The following BBS9 variants were observed in gnomAD, a reference collection of about 807,000 sequenced individuals.
BBS9 encodes protein PTHB1.
In BBS9, 89 loss-of-function variants were observed where a neutral mutation model predicts 117.7. The ratio of observed to expected loss-of-function variants is 0.76; its 90% confidence interval spans 0.64 to 0.90. The LOEUF (loss-of-function observed/expected upper bound fraction) is 0.90. BBS9 is among the 40% of genes least tolerant of loss of function. BBS9 has a pLI of 0.00. For synonymous variants in BBS9, 379 were observed against 370.9 expected (o/e 1.02, Z -0.25); for missense variants, 982 against 1,042.2 (o/e 0.94, Z 0.80).
intron 17 of BBS9, among the ~76,000 whole-genome samples, chr7:33,379,270 C>A (rs1824496681): frequency 6.6e-6 from 1 of 152,146 alleles, no homozygotes; most frequent in Non-Finnish European, 1.5e-5. Context: ...TGTCTTTTTA[C>A]TTCTGGGGCC....
chr7:33,336,289 T>C, intron 9 of BBS9, 152 bp from the exon 10 acceptor site: 1 of 637,670 alleles, frequency 1.6e-6, no homozygotes, highest in Non-Finnish European at 2.7e-6. Flanking sequence ...TTTGAAACAT[T>C]TGAATTGAGT....
intron 9 of BBS9, among the ~76,000 whole-genome samples, chr7:33,305,562 T>C (rs1378415549): frequency 6.6e-6 from 1 of 152,186 alleles, no homozygotes; most frequent in Non-Finnish European, 1.5e-5. Flanking sequence ...TAGAAAACTT[T>C]TTATTACAGC....
intron 9 of BBS9, among the ~76,000 whole-genome samples, chr7:33,331,887 C>G (rs1349798045): frequency 2.0e-5 from 3 of 152,092 alleles, no homozygotes; most frequent in African/African-American, 7.2e-5. Flanking sequence ...CCAAAGCAAT[C>G]TATAGATTCA....
At chr7:33,586,250 A>C (rs2893471) in intron 21 of BBS9, among the ~76,000 whole-genome samples, 62,062 of 151,866 alleles carry the variant, frequency 0.41, 17,653 homozygotes, top group African/African-American at 0.81. Context: ...AGATACTTCT[A>C]AAAAGAAGAC....
At chr7:33,137,129 G>A (rs754479319) in intron 1 of BBS9, among the ~76,000 whole-genome samples, 13 of 152,098 alleles carry the variant, frequency 8.5e-5, no homozygotes, top group Non-Finnish European at 1.5e-4. Flanking sequence ...TCGGTGCCCA[G>A]AGTCCGGAGG....
chr7:33,405,127 G>A (rs1009266185), intron 19 of BBS9, among the ~76,000 whole-genome samples: 19 of 152,176 alleles, frequency 1.2e-4, no homozygotes, highest in Admixed American at 1.0e-3. Context: ...CTTTGGTTCT[G>A]TTTGTATGCT....
intron 9 of BBS9, among the ~76,000 whole-genome samples, chr7:33,311,943 A>G (rs1207217600): frequency 1.3e-5 from 2 of 152,208 alleles, no homozygotes; most frequent in Non-Finnish European, 2.9e-5. Flanking sequence ...GCTTTCCCCC[A>G]TATGGCATAT....
intron 21 of BBS9, among the ~76,000 whole-genome samples, chr7:33,626,141 G>T (rs1019395326): frequency 6.6e-6 from 1 of 152,260 alleles, no homozygotes; most frequent in East Asian, 1.9e-4. Context: ...GTTCTCACAA[G>T]ATCTGGTTGT....
chr7:33,149,810 G>A (rs939390781), intron 2 of BBS9, among the ~76,000 whole-genome samples: 8 of 152,152 alleles, frequency 5.3e-5, no homozygotes, highest in African/African-American at 9.7e-5. Flanking sequence ...TTTAATAGTC[G>A]TACATATACA....
At chr7:33,534,734 G>T (rs551108034) in intron 21 of BBS9, among the ~76,000 whole-genome samples, 5 of 152,128 alleles carry the variant, frequency 3.3e-5, no homozygotes, top group African/African-American at 1.2e-4. Context: ...AGTGATGGTC[G>T]TGGGCACCCA....
intron 5 of BBS9, among the ~76,000 whole-genome samples, chr7:33,252,486 A>G (rs1232251508): frequency 6.6e-6 from 1 of 152,086 alleles, no homozygotes; most frequent in Admixed American, 6.6e-5. Flanking sequence ...GGGCTCTGTG[A>G]CCAGAGTTTC....
rs151209209 is a variant in BBS9, at chr7:33,605,904, T to A, written c.*678T>A. The A allele has an allele frequency of 6.6e-6, 1 of 152,352 alleles. No homozygotes were observed. The highest frequency in any genetic ancestry group is 2.4e-5 in the African/African-American group (1 of 41,444). 9.4% of individuals were successfully genotyped at this position (152,352 alleles called of 1,614,324 possible). ...TAACATCCCCTTTTCATTACCCCATTGGGTGGCACCTTTTAAAAATCCAGG... is the reference window on the plus strand; with the variant it reads ...TAACATCCCCTTTTCATTACCCCATAGGGTGGCACCTTTTAAAAATCCAGG... On this transcript the variant is annotated 3_prime_UTR_variant, in exon 23 of 23. Coordinates refer to ENST00000242067, the MANE Select transcript of BBS9 (RefSeq NM_198428.3).
rs1003515922 is a variant in BBS9 at position 33,460,936 on chromosome 7, C to G, written c.2116-44527C>G. On this transcript the variant is annotated intron_variant, in intron 19 of 22. Transcript: ENST00000242067. ...TGGCAACTACCAGTCTGAGTTCTCT[C>G]TCTATGGATTTATCTTTTCTGGATA... 5.9e-4 allele frequency among the ~76,000 whole-genome samples: 90 copies of G among 151,998 alleles called. 3 individuals are homozygous for G. The highest frequency in any genetic ancestry group is 1.5e-5 in the Non-Finnish European group (1 of 67,934).
chr7:33,236,753 A>G (rs997504963), intron 5 of BBS9, among the ~76,000 whole-genome samples: 3 of 152,150 alleles, frequency 2.0e-5, no homozygotes, highest in Admixed American at 6.5e-5. Flanking sequence ...CCTTCACCTT[A>G]TCAACTTATT....
chr7:33,593,281 C>T (rs1304273197), intron 21 of BBS9, among the ~76,000 whole-genome samples: 1 of 152,092 alleles, frequency 6.6e-6, no homozygotes, highest in Non-Finnish European at 1.5e-5. Flanking sequence ...TCTTTTCCTC[C>T]CCACCTTCTC....
intron 19 of BBS9, among the ~76,000 whole-genome samples, chr7:33,443,234 A>G (rs1247036953): frequency 6.6e-6 from 1 of 152,158 alleles, no homozygotes; most frequent in Non-Finnish European, 1.5e-5. Flanking sequence ...CATGAGAATG[A>G]CTTGATTTTT....
intron 19 of BBS9, among the ~76,000 whole-genome samples, chr7:33,445,911 C>G (rs1836922110): frequency 6.6e-6 from 1 of 152,152 alleles, no homozygotes; most frequent in Non-Finnish European, 1.5e-5. Context: ...TTTCCTAGGG[C>G]TTCCCCAGCC....
chr7:33,237,750 A>G (rs1793768291), intron 5 of BBS9, among the ~76,000 whole-genome samples: 1 of 152,086 alleles, frequency 6.6e-6, no homozygotes, highest in Non-Finnish European at 1.5e-5. Context: ...CTGACTTTTC[A>G]CTCTATGAAA....
At chr7:33,563,607 G>A (rs984315716) in intron 21 of BBS9, among the ~76,000 whole-genome samples, 15 of 152,186 alleles carry the variant, frequency 9.9e-5, no homozygotes, top group African/African-American at 3.1e-4. Context: ...CAAAGAAATA[G>A]TGTGTATTTT....
Sources: gnomAD v4.1 joint callset for allele counts (sites outside exome capture counted in the v4.1 genomes callset) on GRCh38, gnomAD v4.1.1 for gene constraint, MANE v1.5 for transcripts, NCBI Gene and HGNC (gene_info 2026-07-23, HGNC 2026-07-21) for gene names.